Variants in TRIP13 observed in about 807,000 individuals in gnomAD.
TRIP13 encodes the protein thyroid hormone receptor interactor 13.
In TRIP13, 25 loss-of-function variants were observed where a neutral mutation model predicts 54.4. The observed-to-expected ratio is 0.46, with a 90% CI of 0.33 to 0.64. The LOEUF (loss-of-function observed/expected upper bound fraction) is 0.64. Among genes scored for constraint, TRIP13 ranks in the 30% least tolerant of loss-of-function variants. The probability of loss-of-function intolerance (pLI) is 0.02; values close to 1 mark genes in which losing one functional copy is unlikely to be tolerated. For synonymous variants in TRIP13, 207 were observed against 207.8 expected (o/e 1.00, Z 0.03); for missense variants, 373 against 534.2 (o/e 0.70, Z 2.97).
rs569918007 is a variant in TRIP13 at position 915,856 on chromosome 5, G to A, written c.1134-48G>A. 13 of 1,600,330 alleles carry A rather than the reference G, an allele frequency of 8.1e-6. No homozygotes were observed. The highest frequency in any genetic ancestry group is 2.2e-5 in the South Asian group (2 of 90,864). On this transcript the variant is annotated intron_variant, in intron 11 of 12. Transcript: ENST00000166345. This position sits in a 1 kb window ranked among gnomAD's most constrained non-coding sequence, Gnocchi z 4.2. ...CAATGAGGAAAATTAGTCCTGAAAC[G>A]TGTGATTGTATAAATTGCTGTCTCT...
chr5:892,896 A>G lies in TRIP13; in HGVS notation c.-103A>G. On this transcript the variant is annotated 5_prime_UTR_variant, in exon 1 of 13. Transcript: ENST00000166345. ...CGCCTCGCGCGGCAGATTCGAAGCT[A>G]GGGCGGGGCCCGCGGGCTGAGGCAG... 8.3e-7 allele frequency: 1 copy of G among 1,204,882 alleles called. No individual in the cohort carries two copies. The highest frequency in any genetic ancestry group is 1.1e-6 in the Non-Finnish European group (1 of 912,028). 74.6% of individuals were successfully genotyped at this position (1,204,882 alleles called of 1,614,324 possible).
chr5:900,645 G>A, intron 4 of TRIP13, 96 bp downstream of exon 4: 1 of 1,334,484 alleles, frequency 7.5e-7, no homozygotes. Context: ...TGATGCAGAT[G>A]GGTTTTTGGG....
Position 911,810 on chromosome 5 carries a change from A to G in TRIP13, c.867-33A>G, listed in dbSNP as rs564299049. 18 of 1,591,020 alleles carry G rather than the reference A, an allele frequency of 1.1e-5. No individual in the cohort carries two copies. In the South Asian group the frequency reaches 1.2e-4, roughly 11 times the overall value. ...TAGAATTGGGTCACCGACAGCCGTG[A>G]TGACTGTGGTGCTTGCTTCTCGGCC... On this transcript the variant is annotated intron_variant, in intron 9 of 12. Coordinates refer to ENST00000166345, the MANE Select transcript of TRIP13 (RefSeq NM_004237.4). The surrounding 1 kb of genome is among the most constrained non-coding windows in gnomAD (Gnocchi z 4.7).
At position 914,454 on chromosome 5, in the gene TRIP13, T is replaced by C. The variant is rs1347220479; in HGVS notation, c.1021-11T>C. ...GGACTCAGCTAACCGCCTGTACTTC[T>C]GTCTCCCCAGTGTCAGATCATATAC... On this transcript the variant is annotated splice_polypyrimidine_tract_variant and intron_variant, in intron 10 of 12. Coordinates refer to ENST00000166345, the MANE Select transcript of TRIP13 (RefSeq NM_004237.4). 1 of 1,607,880 alleles carries C rather than the reference T, an allele frequency of 6.2e-7. No homozygotes were observed. The highest frequency in any genetic ancestry group is 2.2e-5 in the East Asian group (1 of 44,834).
chr5:916,091 A>G lies in TRIP13; in HGVS notation c.1203+118A>G, dbSNP rs1754335184. ...CATTTTATCTCAGTTTCTAAACCAC[A>G]GGGTCCTGGGGCCGGAGGAGGAGCT... On this transcript the variant is annotated intron_variant, in intron 12 of 12. Transcript: ENST00000166345. 6 of 1,102,308 alleles carry G rather than the reference A, an allele frequency of 5.4e-6. No homozygotes were observed. The South Asian group carries it at 6.5e-5, about 12-fold the overall frequency. The allele number at this position is 1,102,308 out of a possible 1,614,324, so 68.3% of individuals were successfully genotyped here. A position where few individuals can be genotyped will look rare whatever the true frequency, so the allele number is the denominator to read the frequency against.
rs201773072 is a variant in TRIP13 at position 894,313 on chromosome 5, C to T, written c.93-474C>T. On this transcript the variant is annotated intron_variant, in intron 1 of 12. Transcript: ENST00000166345. ...AGGGGAGGTGTTAGGAGGACTGCAG[C>T]AAGGGGGACCAAGGGAAGCCCTGGA... 5.3e-5 allele frequency among the ~76,000 whole-genome samples: 8 copies of T among 152,040 alleles called. No homozygotes were observed. In the East Asian group the frequency reaches 1.5e-3, roughly 29 times the overall value.
rs1307952244 is a variant in TRIP13 at position 904,114 on chromosome 5, C to T, written c.536-34C>T. 2.5e-6 allele frequency: 4 copies of T among 1,587,436 alleles called. No individual in the cohort carries two copies. In the East Asian group the frequency reaches 9.0e-5, roughly 36 times the overall value. ...TTTAAGAAATTTGTTGTAGCACTGACTTAAAAATATATTTGCTTGGATCTT... is the reference window on the plus strand; with the variant it reads ...TTTAAGAAATTTGTTGTAGCACTGATTTAAAAATATATTTGCTTGGATCTT... On this transcript the variant is annotated intron_variant, in intron 5 of 12. Coordinates refer to ENST00000166345, the MANE Select transcript of TRIP13 (RefSeq NM_004237.4).
At chr5:918,312 G>A (rs556491183), downstream of TRIP13, among the ~76,000 whole-genome samples, 5 of 152,260 alleles carry the variant, frequency 3.3e-5, no homozygotes, top group East Asian at 1.9e-4. This position sits in a 1 kb window ranked among gnomAD's most constrained non-coding sequence, Gnocchi z 4.3. Context: ...CACTCCTGCC[G>A]TGGAAAGCAG....
chr5:910,845 C>G (rs1174993418), intron 9 of TRIP13, among the ~76,000 whole-genome samples: 1 of 152,248 alleles, frequency 6.6e-6, no homozygotes, highest in East Asian at 1.9e-4. Flanking sequence ...GCTCACCCAA[C>G]CTCTGTGCCT....
intron 9 of TRIP13, among the ~76,000 whole-genome samples, chr5:910,047 C>T (rs1754198185): frequency 6.6e-6 from 1 of 152,342 alleles, no homozygotes; most frequent in South Asian, 2.1e-4. Context: ...TTGTCCCCAA[C>T]AAGTGTGCAG....
chr5:895,763 G>A (rs1215981822), intron 2 of TRIP13, among the ~76,000 whole-genome samples: 1 of 152,238 alleles, frequency 6.6e-6, no homozygotes, highest in Non-Finnish European at 1.5e-5. Context: ...TTCTCTGACT[G>A]CAGATTCACT....
intron 5 of TRIP13, among the ~76,000 whole-genome samples, chr5:902,651 A>G (rs190615419): frequency 7.7e-4 from 116 of 151,432 alleles, no homozygotes; most frequent in Admixed American, 1.6e-3. Flanking sequence ...AGAGTGTAGA[A>G]ATAAAGACAC....
chr5:893,929 C>T (rs1333879044), intron 1 of TRIP13, among the ~76,000 whole-genome samples: 1 of 152,164 alleles, frequency 6.6e-6, no homozygotes, highest in Non-Finnish European at 1.5e-5. Context: ...CACAGTGCCA[C>T]CGCAGCCTAG....
In TRIP13 at chr5:907,216, A is replaced by G. The variant is rs375651656; in HGVS notation, c.672+23A>G. ...GAAGTAAGTATTAAATATTAATTCT[A>G]ATTGTCTGGATTGTATAGCTGAAAA... On this transcript the variant is annotated intron_variant, in intron 7 of 12. Coordinates refer to ENST00000166345, the MANE Select transcript of TRIP13 (RefSeq NM_004237.4). The surrounding 1 kb of genome is among the most constrained non-coding windows in gnomAD (Gnocchi z 4.1). 9.6e-4 allele frequency: 1,529 copies of G among 1,592,224 alleles called. 2 individuals are homozygous for G. The highest frequency in any genetic ancestry group is 1.2e-3 in the Non-Finnish European group (1,432 of 1,160,592).
At chr5:903,751 G>A (rs1171799626) in intron 5 of TRIP13, among the ~76,000 whole-genome samples, 1 of 152,172 alleles carries the variant, frequency 6.6e-6, no homozygotes, top group African/African-American at 2.4e-5. Context: ...AGGTGTGTTT[G>A]ATCTCTGAAA....
At chr5:900,304 T>C (rs1396491139) in intron 3 of TRIP13, among the ~76,000 whole-genome samples, 190 bp from the exon 4 acceptor site, 1 of 152,228 alleles carries the variant, frequency 6.6e-6, no homozygotes, top group Admixed American at 6.5e-5. Flanking sequence ...TTATTTTGCA[T>C]CTTTGATTTT....
At chr5:916,014 C>T (rs1754334020) in intron 12 of TRIP13, 41 bp downstream of exon 12, 1 of 1,593,486 alleles carries the variant, frequency 6.3e-7, no homozygotes, top group Non-Finnish European at 8.6e-7. Flanking sequence ...GCCCTGTCCA[C>T]AGGTCTCAGC....
At position 908,802 on chromosome 5, in the gene TRIP13, C is replaced by T; in HGVS notation, c.866+341C>T. On this transcript the variant is annotated intron_variant, in intron 9 of 12. Transcript: ENST00000166345. This position sits in a 1 kb window ranked among gnomAD's most constrained non-coding sequence, Gnocchi z 5.2. ...TGAAACCCTGTCTCTACTAAAAATA[C>T]AAAAAATTAGCTGGGCATGATGGCG... 1 of 469,542 alleles carries T rather than the reference C, an allele frequency of 2.1e-6. No individual in the cohort carries two copies. Among genetic ancestry groups the T allele is most frequent in the Non-Finnish European group, 3.1e-6 (1 of 324,160 alleles). 29.1% of individuals were successfully genotyped at this position (469,542 alleles called of 1,614,324 possible). A position where few individuals can be genotyped will look rare whatever the true frequency, so the allele number is the denominator to read the frequency against.
intron 3 of TRIP13, among the ~76,000 whole-genome samples, chr5:897,100 C>T (rs989982619): frequency 1.2e-4 from 18 of 152,282 alleles, no homozygotes; most frequent in Admixed American, 7.2e-4. Flanking sequence ...GATGCTTCTC[C>T]GTGGGCATTG....
Sources: allele counts gnomAD v4.1 joint callset (sites outside exome capture counted in the v4.1 genomes callset), GRCh38; gene constraint gnomAD v4.1.1; non-coding constraint Gnocchi (gnomAD v3.1); transcripts MANE v1.5; gene names NCBI Gene and HGNC (gene_info 2026-07-23, HGNC 2026-07-21).